Variants in SOCS5 observed in about 807,000 individuals in gnomAD.
The protein encoded by SOCS5 is suppressor of cytokine signaling 5.
A neutral mutation model predicts 42.8 loss-of-function variants in SOCS5; 32 were observed. The observed-to-expected ratio is 0.75, with a 90% CI of 0.56 to 1.01. The LOEUF is 1.01. Ranked by LOEUF, SOCS5 falls within the 50% of genes least tolerant of loss-of-function variation. The pLI is 0.00. For synonymous variants in SOCS5, 283 were observed against 229.6 expected (o/e 1.23, Z -2.10); for missense variants, 627 against 653.0 (o/e 0.96, Z 0.43).
intron 1 of SOCS5, among the ~76,000 whole-genome samples, chr2:46,703,412 A>G (rs1672389549): frequency 6.6e-6 from 1 of 151,888 alleles, no homozygotes; most frequent in African/African-American, 2.4e-5. Flanking sequence ...AATTTCTAAT[A>G]TTCTTTTGGT....
intron 1 of SOCS5, among the ~76,000 whole-genome samples, chr2:46,721,237 C>T (rs539287505): frequency 1.3e-4 from 20 of 152,188 alleles, no homozygotes; most frequent in Non-Finnish European, 2.4e-4. Context: ...AGATGTTATT[C>T]CCTAACTGTA....
intron 1 of SOCS5, among the ~76,000 whole-genome samples, chr2:46,740,569 A>C (rs1328216648): frequency 6.6e-6 from 1 of 152,186 alleles, no homozygotes; most frequent in Non-Finnish European, 1.5e-5. Context: ...ATCAAGAATT[A>C]GCAAAAGGTA....
rs1377621713 is a variant in SOCS5 at position 46,759,071 on chromosome 2, T to A, written c.541T>A (p.Leu181Met). ...AGGAAGTCGCTCTCTAAGACAGAGG[T>A]TGCAGGATACTGTGGGCTTGTGTTT... ...TVGSRSLRQR[L>M]QDTVGLCFPM... is the part of the protein sequence containing the mutation. Residue 181 changes from leucine (L) to methionine (M), a missense_variant, in exon 2 of 2, where the codon TTG becomes ATG. Leu to Met is a conservative substitution (Grantham distance 15, BLOSUM62 2). Around this residue, in one of 3 missense-constraint regions of SOCS5, gnomAD observed 278 missense variants for 246.3 expected, o/e 1.13. Coordinates refer to ENST00000394861, the MANE Select transcript of SOCS5 (RefSeq NM_144949.3). 6.2e-7 allele frequency: 1 copy of A among 1,613,910 alleles called. No homozygotes were observed.
At chr2:46,719,601 T>A (rs1338602564) in intron 1 of SOCS5, among the ~76,000 whole-genome samples, 1 of 152,198 alleles carries the variant, frequency 6.6e-6, no homozygotes, top group Admixed American at 6.5e-5. Flanking sequence ...CTCAGTAAAA[T>A]ATTATGTTTG....
At chr2:46,703,920 C>T (rs1034048435) in intron 1 of SOCS5, among the ~76,000 whole-genome samples, 1 of 152,104 alleles carries the variant, frequency 6.6e-6, no homozygotes, top group Non-Finnish European at 1.5e-5. Flanking sequence ...GGATTGTTGA[C>T]TCATGTTAAT....
chr2:46,718,998 A>G (rs1034473454), intron 1 of SOCS5, among the ~76,000 whole-genome samples: 3 of 152,220 alleles, frequency 2.0e-5, no homozygotes, highest in Non-Finnish European at 4.4e-5. Flanking sequence ...ATTCATTACA[A>G]TGGTATTTAT....
At chr2:46,710,209 C>G (rs1672587508) in intron 1 of SOCS5, among the ~76,000 whole-genome samples, 1 of 152,232 alleles carries the variant, frequency 6.6e-6, no homozygotes, top group African/African-American at 2.4e-5. Flanking sequence ...TGCAGTGGCG[C>G]AATCTCGGCT....
At chr2:46,753,382 A>G (rs529473932) in intron 1 of SOCS5, among the ~76,000 whole-genome samples, 1 of 152,222 alleles carries the variant, frequency 6.6e-6, no homozygotes, top group Non-Finnish European at 1.5e-5. Flanking sequence ...AGGAAGGCTT[A>G]TCTGATTCAG....
rs149484479 is a variant in SOCS5 at position 46,721,722 on chromosome 2, G to C, written c.-13+22273G>C. 1.8e-3 allele frequency among the ~76,000 whole-genome samples: 272 copies of C among 152,220 alleles called. No individual in the cohort carries two copies. In the Middle Eastern group the frequency reaches 0.024, roughly 13 times the overall value. On this transcript the variant is annotated intron_variant, in intron 1 of 1. Coordinates refer to ENST00000394861, the MANE Select transcript of SOCS5 (RefSeq NM_144949.3). Reference sequence around the variant, plus strand: ...ATGTAGTTACAAATAATGAATAGCTGTCTTCTTTGAATTATAATCCTCTGT... The same window carrying C: ...ATGTAGTTACAAATAATGAATAGCTCTCTTCTTTGAATTATAATCCTCTGT...
At chr2:46,717,713 G>A (rs536360730) in intron 1 of SOCS5, among the ~76,000 whole-genome samples, 81 of 152,202 alleles carry the variant, frequency 5.3e-4, no homozygotes, top group Non-Finnish European at 1.0e-3. Flanking sequence ...AAATTTTAGG[G>A]TTAGGTTACC....
rs1309726841 is a variant in SOCS5 at position 46,760,168 on chromosome 2, C to G, written c.*27C>G. 4 of 1,556,950 alleles carry G rather than the reference C, an allele frequency of 2.6e-6. No individual in the cohort carries two copies. Among genetic ancestry groups the G allele is most frequent in the Non-Finnish European group, 3.5e-6 (4 of 1,139,546 alleles). On this transcript the variant is annotated 3_prime_UTR_variant, in exon 2 of 2. Coordinates refer to ENST00000394861, the MANE Select transcript of SOCS5 (RefSeq NM_144949.3). ...CTCTCCGGTCCCCAAAGGTTGTTAA[C>G]TAGGTCCGCTTTCATGTGCATCAGA...
chr2:46,724,980 A>G (rs1340169311), intron 1 of SOCS5, among the ~76,000 whole-genome samples: 7 of 151,700 alleles, frequency 4.6e-5, no homozygotes, highest in Admixed American at 2.6e-4. Context: ...TCCAACTGTC[A>G]TTGTAGATTT....
At chr2:46,755,390 C>G (rs1471620980) in intron 1 of SOCS5, among the ~76,000 whole-genome samples, 1 of 152,088 alleles carries the variant, frequency 6.6e-6, no homozygotes, top group African/African-American at 2.4e-5. Flanking sequence ...ATTGACTGTA[C>G]TATTTCATTT....
chr2:46,746,246 G>A (rs1162274803), intron 1 of SOCS5, among the ~76,000 whole-genome samples: 1 of 152,114 alleles, frequency 6.6e-6, no homozygotes, highest in Non-Finnish European at 1.5e-5. Context: ...GTAGGCTATA[G>A]ACTCACATTC....
Position 46,715,810 on chromosome 2 carries a change from G to T in SOCS5, c.-13+16361G>T, listed in dbSNP as rs187417005. On this transcript the variant is annotated intron_variant, in intron 1 of 1. Coordinates refer to ENST00000394861, the MANE Select transcript of SOCS5 (RefSeq NM_144949.3). Reference sequence around the variant, plus strand: ...TTTTGGAAGTTTATTGAGTTTCGTGGATCTGTGGGTGTATTGTATTCATCA... The same window carrying T: ...TTTTGGAAGTTTATTGAGTTTCGTGTATCTGTGGGTGTATTGTATTCATCA... 2.6e-5 allele frequency among the ~76,000 whole-genome samples: 4 copies of T among 152,182 alleles called. No individual in the cohort carries two copies. The East Asian group carries it at 7.7e-4, about 29-fold the overall frequency.
At chr2:46,700,995 A>C (rs894634683) in intron 1 of SOCS5, among the ~76,000 whole-genome samples, 2 of 152,206 alleles carry the variant, frequency 1.3e-5, no homozygotes, top group Admixed American at 6.5e-5. Flanking sequence ...ACATTTCTGC[A>C]AAAAGGTGTT....
In SOCS5 at chr2:46,761,407, A is replaced by C. The variant is rs1673866166; in HGVS notation, c.*1266A>C. On this transcript the variant is annotated 3_prime_UTR_variant, in exon 2 of 2. Coordinates refer to ENST00000394861, the MANE Select transcript of SOCS5 (RefSeq NM_144949.3). ...ATGTCTTTTCGTTAATGTGCTCTGT[A>C]CCACTGGTGAGTGCTCCATAGTTTC... 1 of 167,084 alleles carries C rather than the reference A, an allele frequency of 6.0e-6. No homozygotes were observed. 10.4% of individuals were successfully genotyped at this position (167,084 alleles called of 1,614,324 possible).
intron 1 of SOCS5, among the ~76,000 whole-genome samples, chr2:46,748,368 T>C (rs369102426): frequency 5.3e-5 from 8 of 151,974 alleles, no homozygotes; most frequent in Admixed American, 1.3e-4. Flanking sequence ...GAAAATCTTA[T>C]TGTAGAGACA....
chr2:46,705,825 A>G (rs572334965), intron 1 of SOCS5, among the ~76,000 whole-genome samples: 1 of 152,240 alleles, frequency 6.6e-6, no homozygotes, highest in African/African-American at 2.4e-5. Flanking sequence ...TTTGCAGCTG[A>G]CTCCATGTGC....
Sources: gnomAD v4.1 joint callset for allele counts (sites outside exome capture counted in the v4.1 genomes callset) on GRCh38, gnomAD v4.1.1 for gene constraint, gnomAD v4.1.1 regional missense constraint, MANE v1.5 for transcripts, NCBI Gene and HGNC (gene_info 2026-07-23, HGNC 2026-07-21) for gene names.